Variants in TSPEAR observed in about 807,000 individuals in gnomAD.
The protein encoded by TSPEAR is thrombospondin-type laminin G domain and EAR repeat-containing protein.
Under a neutral mutation model 71.6 loss-of-function variants are expected in TSPEAR, and 69 were observed. That is an observed-to-expected ratio of 0.96 (90% CI 0.79 to 1.18). TSPEAR has a LOEUF of 1.18. Ranked by LOEUF, TSPEAR falls within the 50% of genes most tolerant of loss-of-function variation. The probability of loss-of-function intolerance (pLI) is 0.00; values close to 1 mark genes in which losing one functional copy is unlikely to be tolerated. For synonymous variants in TSPEAR, 402 were observed against 387.2 expected (o/e 1.04, Z -0.45); for missense variants, 971 against 894.9 (o/e 1.09, Z -1.09).
intron 1 of TSPEAR, among the ~76,000 whole-genome samples, chr21:44,607,651 C>T (rs1472031854): frequency 1.3e-5 from 2 of 152,136 alleles, no homozygotes; most frequent in African/African-American, 2.4e-5. Context: ...TCAAATGATA[C>T]TATTAATACC....
At chr21:44,601,668 T>G (rs781839634) in intron 1 of TSPEAR, 1 of 1,612,622 alleles carries the variant, frequency 6.2e-7, no homozygotes, top group Non-Finnish European at 8.5e-7. Context: ...TGTCTCTCCT[T>G]TGCCGCCCCG....
intron 10 of TSPEAR, chr21:44,508,646 CG>C (rs2052265422): frequency 8.4e-7 from 1 of 1,188,306 alleles, no homozygotes; most frequent in African/African-American, 1.6e-5. Context: ...CTCCACGGAG[CG>C]TGTCGGTCTG....
In TSPEAR at chr21:44,658,403, C is replaced by T. The variant is rs587723315; in HGVS notation, c.82+53030G>A. On this transcript the variant is annotated intron_variant, in intron 1 of 11. Coordinates refer to ENST00000323084, the MANE Select transcript of TSPEAR (RefSeq NM_144991.3). Reference sequence around the variant, plus strand: ...AAACCTCTGAACTCTGGGGTGAGAACGTGGAAAAATGATTCAGACCTTCCA... The same window carrying T: ...AAACCTCTGAACTCTGGGGTGAGAATGTGGAAAAATGATTCAGACCTTCCA... The T allele has an allele frequency of 5.6e-5, 49 of 877,774 alleles. No individual in the cohort carries two copies. In the African/African-American group the frequency reaches 6.6e-4, roughly 12 times the overall value. The allele number at this position is 877,774 out of a possible 1,614,324, so 54.4% of individuals were successfully genotyped here.
chr21:44,637,357 A>T, intron 1 of TSPEAR: 2 of 1,562,694 alleles, frequency 1.3e-6, no homozygotes, highest in South Asian at 2.4e-5. Context: ...TCACACACAC[A>T]CTCACTCACA....
intron 8 of TSPEAR, among the ~76,000 whole-genome samples, chr21:44,523,481 AGTTT>A: frequency 6.6e-6 from 1 of 151,956 alleles, no homozygotes; most frequent in East Asian, 1.9e-4. Context: ...TCAGGCAGTT[AGTTT>A]GGTAGTCGGT....
At chr21:44,539,760 A>G (rs2053176829) in intron 2 of TSPEAR, 1 of 1,612,326 alleles carries the variant, frequency 6.2e-7, no homozygotes, top group Non-Finnish European at 8.5e-7. Flanking sequence ...GAGGCACAGC[A>G]AGTTGGCTGG....
intron 1 of TSPEAR, among the ~76,000 whole-genome samples, chr21:44,646,256 T>C (rs1441233751): frequency 6.9e-6 from 1 of 145,054 alleles, no homozygotes; most frequent in Non-Finnish European, 1.5e-5. Flanking sequence ...AACAAAGAGA[T>C]AAACCAGCAT....
intron 1 of TSPEAR, among the ~76,000 whole-genome samples, chr21:44,628,505 G>T (rs1378971002): frequency 2.6e-5 from 4 of 152,090 alleles, no homozygotes; most frequent in Non-Finnish European, 5.9e-5. Flanking sequence ...GGGGGCTCTT[G>T]TGTGACACCT....
intron 1 of TSPEAR, among the ~76,000 whole-genome samples, chr21:44,594,115 A>G (rs1042610730): frequency 4.6e-5 from 7 of 152,232 alleles, no homozygotes; most frequent in African/African-American, 9.6e-5. Flanking sequence ...GTCCGTATTC[A>G]GAAAACAGGC....
chr21:44,693,833 A>C (rs1987217215), intron 1 of TSPEAR, among the ~76,000 whole-genome samples: 1 of 152,216 alleles, frequency 6.6e-6, no homozygotes, highest in Admixed American at 6.5e-5. Context: ...AGAACTAAAA[A>C]TAAGTAAATA....
chr21:44,522,617 C>T (rs2052757840), intron 8 of TSPEAR, among the ~76,000 whole-genome samples: 1 of 152,238 alleles, frequency 6.6e-6, no homozygotes, highest in Non-Finnish European at 1.5e-5. Context: ...CCCCCAGACC[C>T]AGGCCGGCTC....
chr21:44,708,137 G>A (rs1031283943), intron 1 of TSPEAR, among the ~76,000 whole-genome samples: 2 of 152,118 alleles, frequency 1.3e-5, no homozygotes, highest in Non-Finnish European at 2.9e-5. Flanking sequence ...GGGGTAACCC[G>A]TGCATGCATG....
chr21:44,654,187 T>C (rs2073437), intron 1 of TSPEAR: 759,971 of 1,053,368 alleles, frequency 0.72, 276,093 homozygotes, highest in African/African-American at 0.89. Flanking sequence ...CAGTTTGCTG[T>C]GGGAGGATGT....
chr21:44,654,435 G>A, intron 1 of TSPEAR: 1 of 1,614,148 alleles, frequency 6.2e-7, no homozygotes, highest in Non-Finnish European at 8.5e-7. Flanking sequence ...TGGGCACACA[G>A]CAGGCTGGCT....
At chr21:44,538,426 C>CA (rs1569172585) in intron 2 of TSPEAR, among the ~76,000 whole-genome samples, 1 of 123,076 alleles carries the variant, frequency 8.1e-6, no homozygotes, top group East Asian at 2.5e-4. Context: ...ACTGCTGCCC[C>CA]CCCCCCCCCC....
chr21:44,700,484 C>G (rs1987598387), intron 1 of TSPEAR, among the ~76,000 whole-genome samples: 1 of 152,170 alleles, frequency 6.6e-6, no homozygotes. Flanking sequence ...CCAGAACCCC[C>G]CTTGCCAACC....
intron 2 of TSPEAR, among the ~76,000 whole-genome samples, chr21:44,554,500 C>G (rs1569183084): frequency 6.6e-6 from 1 of 152,242 alleles, no homozygotes; most frequent in African/African-American, 2.4e-5. Flanking sequence ...AGACACTGAC[C>G]TAGGTCCAGA....
At chr21:44,614,818 C>T (rs1477275248) in intron 1 of TSPEAR, among the ~76,000 whole-genome samples, 3 of 152,180 alleles carry the variant, frequency 2.0e-5, no homozygotes, top group Admixed American at 6.5e-5. Flanking sequence ...GACACTCGAC[C>T]GAGAAGATTT....
rs587612488 is a variant in TSPEAR at position 44,618,626 on chromosome 21, A to G, written c.83-50621T>C. On this transcript the variant is annotated intron_variant, in intron 1 of 11. Coordinates refer to ENST00000323084, the MANE Select transcript of TSPEAR (RefSeq NM_144991.3). ...GCTGGGTGACAGTCAGGAAGGCAGC[A>G]GCCGGAGTTCCTGGTGTGGGGTGCT... 7.2e-5 allele frequency among the ~76,000 whole-genome samples: 11 copies of G among 152,318 alleles called. No homozygotes were observed. The South Asian group carries it at 2.3e-3, about 32-fold the overall frequency.
Sources: allele counts gnomAD v4.1 joint callset (sites outside exome capture counted in the v4.1 genomes callset), GRCh38; gene constraint gnomAD v4.1.1; transcripts MANE v1.5; gene names NCBI Gene and HGNC (gene_info 2026-07-23, HGNC 2026-07-21).